ELF1: variants seen among roughly 807,000 people sequenced by gnomAD.
The protein encoded by ELF1 is ETS-related transcription factor Elf-1.
In ELF1, 24 loss-of-function variants were observed where a neutral mutation model predicts 59.9. That is an observed-to-expected ratio of 0.40 (90% CI 0.29 to 0.56). The LOEUF is 0.56. ELF1 is among the 20% of genes least tolerant of loss of function. The pLI is 0.44. For missense variants in ELF1, 627 were observed against 742.2 expected, an observed-to-expected ratio of 0.84 and a Z score of 1.80; for synonymous variants, 248 against 266.2, an observed-to-expected ratio of 0.93 and a Z score of 0.67.
upstream of ELF1, among the ~76,000 whole-genome samples, chr13:41,020,366 T>C (rs1483731023): frequency 1.3e-5 from 2 of 152,340 alleles, no homozygotes; most frequent in East Asian, 3.9e-4. Context: ...ACTCAATAGA[T>C]AGCCTTCGTC....
chr13:40,949,358 A>T (rs1477193495), intron 5 of ELF1, among the ~76,000 whole-genome samples: 1 of 151,374 alleles, frequency 6.6e-6, no homozygotes, highest in African/African-American at 2.4e-5. Flanking sequence ...ATTTATTTTT[A>T]TTTTATTTTA....
At chr13:41,055,011 A>C (rs959310881) in intron 1 of ELF1, among the ~76,000 whole-genome samples, 3 of 152,166 alleles carry the variant, frequency 2.0e-5, no homozygotes, top group Non-Finnish European at 2.9e-5. Context: ...ATTTTCATTC[A>C]TTCATTCAAA....
At position 40,986,937 on chromosome 13, in the gene ELF1, CTTTTTTTT is replaced by C. The variant is rs1555276215; in HGVS notation, c.-228-4663_-228-4656del. On this transcript the variant is annotated intron_variant, in intron 1 of 8. Transcript: ENST00000239882. ...AATATATTTTTAGAAAATCATTGCT[CTTTTTTTT>C]TTTTTTTTTTGAGTGGGAGTCTCAC... Among the ~76,000 whole-genome samples, 4 of 126,880 alleles carry C rather than the reference CTTTTTTTT, an allele frequency of 3.2e-5. 1 individual carries two copies. The highest frequency in any genetic ancestry group is 1.2e-4 in the African/African-American group (4 of 32,752). The allele number at this position is 126,880 out of a possible 152,430, so 83.2% of individuals were successfully genotyped here.
chr13:40,995,591 A>C (rs1159692353), intron 1 of ELF1, among the ~76,000 whole-genome samples: 1 of 152,182 alleles, frequency 6.6e-6, no homozygotes, highest in African/African-American at 2.4e-5. Context: ...ATCTTTGTCA[A>C]GGACAAAGGC....
intron 1 of ELF1, among the ~76,000 whole-genome samples, chr13:41,024,396 C>T (rs1875802000): frequency 6.6e-6 from 1 of 152,074 alleles, no homozygotes; most frequent in African/African-American, 2.4e-5. Flanking sequence ...ACCTTGGCAC[C>T]TCAGCGTAAA....
intron 3 of ELF1, among the ~76,000 whole-genome samples, chr13:40,954,228 T>G (rs1452283736): frequency 6.6e-6 from 1 of 152,068 alleles, no homozygotes; most frequent in African/African-American, 2.4e-5. Flanking sequence ...ATGCAAAAAA[T>G]GCTTTGTTAA....
chr13:40,937,921 A>G (rs751137619), intron 8 of ELF1, among the ~76,000 whole-genome samples: 29 of 152,130 alleles, frequency 1.9e-4, no homozygotes, highest in Admixed American at 3.3e-4. Flanking sequence ...AGTTCAAGTT[A>G]TTCTCCTGCC....
chr13:40,978,074 T>C (rs1358316962), intron 2 of ELF1, among the ~76,000 whole-genome samples: 1 of 152,180 alleles, frequency 6.6e-6, no homozygotes, highest in East Asian at 1.9e-4. Flanking sequence ...GCCAAACATA[T>C]GAAAGATACT....
chr13:41,007,195 G>A (rs1238877121), intron 1 of ELF1, among the ~76,000 whole-genome samples: 4 of 151,982 alleles, frequency 2.6e-5, no homozygotes, highest in Non-Finnish European at 5.9e-5. Context: ...CCTCAGAAAC[G>A]CCCTGTGTGG....
At chr13:40,970,961 G>A (rs996182754) in intron 2 of ELF1, among the ~76,000 whole-genome samples, 74 of 152,098 alleles carry the variant, frequency 4.9e-4, no homozygotes, top group African/African-American at 1.4e-3. Flanking sequence ...TGTTAAGGAC[G>A]TCATATGGCT....
intron 1 of ELF1, among the ~76,000 whole-genome samples, chr13:41,012,938 C>T (rs1351931177): frequency 6.6e-6 from 1 of 152,048 alleles, no homozygotes; most frequent in Non-Finnish European, 1.5e-5. Context: ...AGTAGGATTG[C>T]TTTTATATGC....
At chr13:40,999,634 T>C (rs1874309004) in intron 1 of ELF1, among the ~76,000 whole-genome samples, 2 of 152,236 alleles carry the variant, frequency 1.3e-5, no homozygotes, top group Non-Finnish European at 2.9e-5. Context: ...AAGTGGGATG[T>C]GGCAACCACC....
At chr13:40,940,572 G>A (rs1870090359) in intron 8 of ELF1, among the ~76,000 whole-genome samples, 1 of 152,082 alleles carries the variant, frequency 6.6e-6, no homozygotes, top group South Asian at 2.1e-4. Flanking sequence ...GTCCTAATAT[G>A]TCAATTTATG....
chr13:41,040,621 G>T (rs1876566820), intron 1 of ELF1, among the ~76,000 whole-genome samples: 1 of 152,074 alleles, frequency 6.6e-6, no homozygotes. Flanking sequence ...TCCCTCACAT[G>T]TACAGTTCAC....
At chr13:41,046,991 C>T (rs1876875884) in intron 1 of ELF1, among the ~76,000 whole-genome samples, 1 of 152,140 alleles carries the variant, frequency 6.6e-6, no homozygotes, top group Non-Finnish European at 1.5e-5. Flanking sequence ...TTTCTTTTTA[C>T]TTTTTTCTCT....
At chr13:41,058,863 C>T (rs1469909921) in intron 1 of ELF1, among the ~76,000 whole-genome samples, 1 of 152,196 alleles carries the variant, frequency 6.6e-6, no homozygotes, top group East Asian at 1.9e-4. Context: ...GTCCCAGCTA[C>T]TTGGGAGGCT....
intron 1 of ELF1, among the ~76,000 whole-genome samples, chr13:41,053,014 C>A (rs1877145207): frequency 1.3e-5 from 2 of 152,070 alleles, no homozygotes; most frequent in Admixed American, 1.3e-4. Flanking sequence ...AAGTTTATTG[C>A]ATTTGTCACA....
At chr13:40,953,911 G>A (rs1871027571) in intron 3 of ELF1, among the ~76,000 whole-genome samples, 1 of 152,154 alleles carries the variant, frequency 6.6e-6, no homozygotes, top group Non-Finnish European at 1.5e-5. Flanking sequence ...GAGAACTAAT[G>A]CCTTCCCTGA....
intron 2 of ELF1, 142 bp from the exon 3 acceptor site, chr13:40,959,158 CATTAGGTA>C: frequency 8.0e-7 from 1 of 1,244,480 alleles, no homozygotes; most frequent in Non-Finnish European, 1.1e-6. Flanking sequence ...TCTTTCTAGG[CATTAGGTA>C]ATTTGTATCT....
Sources: allele counts gnomAD v4.1 joint callset (sites outside exome capture counted in the v4.1 genomes callset), GRCh38; gene constraint gnomAD v4.1.1; transcripts MANE v1.5; gene names NCBI Gene and HGNC (gene_info 2026-07-23, HGNC 2026-07-21).